Variants in GSE1 observed in about 807,000 individuals in gnomAD.
The protein encoded by GSE1 is genetic suppressor element 1.
Under a neutral mutation model 112.6 loss-of-function variants are expected in GSE1, and 32 were observed. The observed-to-expected ratio is 0.28, with a 90% CI of 0.21 to 0.38. GSE1 has a LOEUF of 0.38. Ranked by LOEUF, GSE1 falls within the 10% of genes least tolerant of loss-of-function variation. GSE1 has a pLI of 1.00. For missense variants in GSE1, 2,348 were observed against 1,699.2 expected, an observed-to-expected ratio of 1.38 and a Z score of -6.71; for synonymous variants, 1,115 against 735.6, an observed-to-expected ratio of 1.52 and a Z score of -8.35.
At chr16:85,240,405 G>A (rs557814061) in intron 1 of GSE1, among the ~76,000 whole-genome samples, 5 of 152,204 alleles carry the variant, frequency 3.3e-5, no homozygotes, top group Admixed American at 3.3e-4. Context: ...CCAAGGGGGA[G>A]GGGGGTGGAG....
At chr16:85,485,929 G>A (rs1358524849) in intron 2 of GSE1, among the ~76,000 whole-genome samples, 2 of 152,204 alleles carry the variant, frequency 1.3e-5, no homozygotes. Context: ...CCTTCACCCC[G>A]GCCCTGAGGC....
intron 2 of GSE1, among the ~76,000 whole-genome samples, chr16:85,371,845 G>A (rs554186486): frequency 4.6e-5 from 7 of 152,326 alleles, no homozygotes; most frequent in African/African-American, 1.7e-4. Flanking sequence ...ATGGTGCCAA[G>A]CCTAGAACCT....
At chr16:85,207,593 C>G (rs1209356495) in intron 1 of GSE1, among the ~76,000 whole-genome samples, 1 of 152,200 alleles carries the variant, frequency 6.6e-6, no homozygotes, top group Non-Finnish European at 1.5e-5. Context: ...TCATGAATCC[C>G]CTGCAGGCGC....
At chr16:85,216,167 T>C (rs1030117451) in intron 1 of GSE1, among the ~76,000 whole-genome samples, 3 of 152,194 alleles carry the variant, frequency 2.0e-5, no homozygotes, top group African/African-American at 7.2e-5. Context: ...TTCCGACCCC[T>C]TAAAGGGCTT....
intron 1 of GSE1, among the ~76,000 whole-genome samples, chr16:85,615,210 C>T (rs1335487177): frequency 3.9e-5 from 6 of 152,230 alleles, no homozygotes; most frequent in Non-Finnish European, 7.3e-5. Flanking sequence ...GCCGCCACGC[C>T]ACAGGTGAGG....
chr16:85,188,871 C>T (rs541669269), intron 1 of GSE1, among the ~76,000 whole-genome samples: 2 of 151,968 alleles, frequency 1.3e-5, no homozygotes, highest in African/African-American at 2.4e-5. Flanking sequence ...CTCATCACTA[C>T]CTCTGTTCTT....
chr16:85,664,912 T>G lies in GSE1; in HGVS notation c.2645-103T>G. On this transcript the variant is annotated intron_variant, in intron 11 of 15. Coordinates refer to ENST00000253458, the MANE Select transcript of GSE1 (RefSeq NM_014615.5). ...ACACCTGCTTTTGGTTTTTCGGGCT[T>G]TAGTGCTTTGCCTGCCCCTCAAGGC... is the stretch of plus-strand genomic sequence containing the variant. 6.5e-6 allele frequency: 5 copies of G among 771,500 alleles called. No homozygotes were observed. The Admixed American group carries it at 8.4e-5, about 13-fold the overall frequency. 47.8% of individuals were successfully genotyped at this position (771,500 alleles called of 1,614,324 possible).
At chr16:85,191,431 C>T (rs1053340312) in intron 1 of GSE1, among the ~76,000 whole-genome samples, 2 of 152,194 alleles carry the variant, frequency 1.3e-5, no homozygotes, top group African/African-American at 2.4e-5. Context: ...AAAGAAACCC[C>T]ATTCTGCCTG....
intron 3 of GSE1, among the ~76,000 whole-genome samples, chr16:85,652,622 C>T (rs1040514758): frequency 3.3e-5 from 5 of 152,198 alleles, no homozygotes; most frequent in Admixed American, 1.3e-4. Context: ...GGGGAGGCGC[C>T]GGCCCGGGCT....
At chr16:85,266,891 G>A (rs1908301885) in intron 1 of GSE1, among the ~76,000 whole-genome samples, 1 of 152,152 alleles carries the variant, frequency 6.6e-6, no homozygotes. Context: ...CACGTCCTGT[G>A]CTCCTGCCCT....
At chr16:85,667,720 A>T (rs902464226) in intron 13 of GSE1, among the ~76,000 whole-genome samples, 5 of 152,208 alleles carry the variant, frequency 3.3e-5, no homozygotes, top group Non-Finnish European at 5.9e-5. Flanking sequence ...TTAGCTGGGC[A>T]TGGTGGCACA....
chr16:85,170,412 C>G (rs975646724), exon 1 of GSE1: 2 of 985,422 alleles, frequency 2.0e-6, no homozygotes, highest in Non-Finnish European at 2.4e-6. Flanking sequence ...AAGGGCCTCC[C>G]TCTGGCAGAG....
intron 1 of GSE1, among the ~76,000 whole-genome samples, chr16:85,229,135 T>C (rs2075539015): frequency 6.6e-6 from 1 of 152,220 alleles, no homozygotes; most frequent in Admixed American, 6.5e-5. Flanking sequence ...AGCAGGGGGC[T>C]GAGGTCTCCC....
At chr16:85,614,243 G>C (rs1321260649) in intron 1 of GSE1, among the ~76,000 whole-genome samples, 1 of 152,176 alleles carries the variant, frequency 6.6e-6, no homozygotes, top group African/African-American at 2.4e-5. Context: ...GGGCCCTGCG[G>C]CCGCGCTGAT....
chr16:85,201,966 T>A (rs2075036899), intron 1 of GSE1, among the ~76,000 whole-genome samples: 1 of 152,208 alleles, frequency 6.6e-6, no homozygotes, highest in African/African-American at 2.4e-5. Flanking sequence ...CTGTGGATGG[T>A]AAGAGAGAGA....
chr16:85,534,500 C>T (rs2044256009), intron 2 of GSE1, among the ~76,000 whole-genome samples: 1 of 152,152 alleles, frequency 6.6e-6, no homozygotes, highest in African/African-American at 2.4e-5. Flanking sequence ...GTGACTGGCT[C>T]GTTTTACCCA....
At position 85,646,532 on chromosome 16, in the gene GSE1, G is replaced by A. The variant is rs1490297220; in HGVS notation, c.227-2020G>A. On this transcript the variant is annotated intron_variant, in intron 2 of 15. Transcript: ENST00000253458. ...CAGGGCCACCTCTGCGGCCTGCCTT[G>A]TTGGGGACCTTGGCCTGTGCTGGAC... Among the ~76,000 whole-genome samples, 4 of 152,368 alleles carry A rather than the reference G, an allele frequency of 2.6e-5. No homozygotes were observed. In the East Asian group the frequency reaches 7.7e-4, roughly 29 times the overall value.
At chr16:85,172,268 G>T (rs1420014311) in intron 1 of GSE1, among the ~76,000 whole-genome samples, 3 of 152,244 alleles carry the variant, frequency 2.0e-5, no homozygotes, top group Admixed American at 1.3e-4. Context: ...CTCCCGTGTG[G>T]CTTGGCTTTT....
intron 12 of GSE1, among the ~76,000 whole-genome samples, chr16:85,665,764 G>A (rs2052799050): frequency 6.6e-6 from 1 of 152,118 alleles, no homozygotes; most frequent in Admixed American, 6.5e-5. Flanking sequence ...TTCCTTCTTG[G>A]GACATCTTTC....
Sources: gnomAD v4.1 joint callset for allele counts (sites outside exome capture counted in the v4.1 genomes callset) on GRCh38, gnomAD v4.1.1 for gene constraint, MANE v1.5 for transcripts, NCBI Gene and HGNC (gene_info 2026-07-23, HGNC 2026-07-21) for gene names.